RBM18: variants seen among roughly 807,000 people sequenced by gnomAD.
RBM18 encodes RNA binding motif protein 18, also known as probable RNA-binding protein 18.
RBM18 carries 18 observed loss-of-function variants against 26.4 expected under a neutral mutation model. The observed-to-expected ratio is 0.68, with a 90% CI of 0.47 to 1.01. The LOEUF (loss-of-function observed/expected upper bound fraction) is 1.01. RBM18 is among the 50% of genes least tolerant of loss of function. The probability of loss-of-function intolerance (pLI) is 0.00; values close to 1 mark genes in which losing one functional copy is unlikely to be tolerated. For missense variants in RBM18, 180 were observed against 219.2 expected, an observed-to-expected ratio of 0.82 and a Z score of 1.13; for synonymous variants, 74 against 81.1, an observed-to-expected ratio of 0.91 and a Z score of 0.47.
intron 3 of RBM18, among the ~76,000 whole-genome samples, chr9:122,249,538 C>A (rs75537407): frequency 6.6e-6 from 1 of 151,062 alleles, no homozygotes; most frequent in Non-Finnish European, 1.5e-5. Flanking sequence ...GGCGAACCCC[C>A]GCTTCTACAA....
At chr9:122,245,485 T>C (rs1463695910) in intron 4 of RBM18, 144 bp from the exon 5 acceptor site, 1 of 509,852 alleles carries the variant, frequency 2.0e-6, no homozygotes, top group Non-Finnish European at 3.5e-6. Flanking sequence ...TTAGAATTAA[T>C]GAAAAACTTC....
intron 2 of RBM18, among the ~76,000 whole-genome samples, chr9:122,255,545 C>T (rs1309480352): frequency 6.6e-6 from 1 of 152,174 alleles, no homozygotes; most frequent in Non-Finnish European, 1.5e-5. Flanking sequence ...ATCCTTCCAG[C>T]TATCCCTCTG....
rs1392284569 is a variant in RBM18 at position 122,240,124 on chromosome 9, C to T, written c.*1760G>A. 3.3e-5 allele frequency: 5 copies of T among 152,190 alleles called. No individual in the cohort carries two copies. Among genetic ancestry groups the T allele is most frequent in the African/African-American group, 1.2e-4 (5 of 41,444 alleles). 9.4% of individuals were successfully genotyped at this position (152,190 alleles called of 1,614,324 possible). On this transcript the variant is annotated 3_prime_UTR_variant, in exon 6 of 6. Transcript: ENST00000417201. Reference sequence around the variant, plus strand: ...AAAGGAAACAACTCTATATATAATTCTAAGTTTTTTCTAAGTTCCTATTAA... The same window carrying T: ...AAAGGAAACAACTCTATATATAATTTTAAGTTTTTTCTAAGTTCCTATTAA...
intron 3 of RBM18, among the ~76,000 whole-genome samples, chr9:122,250,435 T>G (rs1211454518): frequency 3.3e-5 from 5 of 152,176 alleles, no homozygotes; most frequent in Non-Finnish European, 5.9e-5. Context: ...ACAACCCAAA[T>G]AGCTAACAAT....
At chr9:122,260,239 G>A (rs929215885) in intron 2 of RBM18, among the ~76,000 whole-genome samples, 2 of 152,034 alleles carry the variant, frequency 1.3e-5, no homozygotes, top group Non-Finnish European at 2.9e-5. Context: ...CCAACTACTC[G>A]GGAGGCTGAG....
At chr9:122,256,005 T>G (rs1831691135) in intron 2 of RBM18, among the ~76,000 whole-genome samples, 1 of 152,040 alleles carries the variant, frequency 6.6e-6, no homozygotes, top group South Asian at 2.1e-4. Context: ...CACCCCAGCC[T>G]GGGCAACAGA....
rs923935478 is a variant in RBM18, at chr9:122,261,326, C to T, written c.113+54G>A. 8.5e-5 allele frequency: 106 copies of T among 1,253,834 alleles called. 1 individual carries two copies. Among genetic ancestry groups the T allele is most frequent in the Non-Finnish European group, 1.8e-5 (15 of 851,964 alleles). 77.7% of individuals were successfully genotyped at this position (1,253,834 alleles called of 1,614,324 possible). A position where few individuals can be genotyped will look rare whatever the true frequency, so the allele number is the denominator to read the frequency against. On this transcript the variant is annotated intron_variant, in intron 2 of 5. Transcript: ENST00000417201. The stretch of plus-strand genomic sequence containing the variant: ...CCTTGAAAATTCTTCTTGACATCAT[C>T]ACCACAAAACATCCCAATATTGTAG...
chr9:122,245,703 C>T (rs541521018), intron 4 of RBM18, among the ~76,000 whole-genome samples: 95 of 152,038 alleles, frequency 6.2e-4, no homozygotes, highest in African/African-American at 2.2e-3. Flanking sequence ...ACTGGCCAGG[C>T]GCGGTGGCTC....
At position 122,241,879 on chromosome 9, in the gene RBM18, A is replaced by T; in HGVS notation, c.*5T>A. 1 of 1,611,342 alleles carries T rather than the reference A, an allele frequency of 6.2e-7. No individual in the cohort carries two copies. The highest frequency in any genetic ancestry group is 8.5e-7 in the Non-Finnish European group (1 of 1,179,144). On this transcript the variant is annotated 3_prime_UTR_variant, in exon 6 of 6. Coordinates refer to ENST00000417201, the MANE Select transcript of RBM18 (RefSeq NM_033117.4). The stretch of plus-strand genomic sequence containing the variant: ...TGCTTTTGCTGCTACAGTAATTCAC[A>T]ACCATCATCTTCGAGATTTCCATGC...
rs530715192 is a variant in RBM18, at chr9:122,245,715, C to T, written c.328-374G>A. On this transcript the variant is annotated intron_variant, in intron 4 of 5. Coordinates refer to ENST00000417201, the MANE Select transcript of RBM18 (RefSeq NM_033117.4). ...TAAACTGGCCAGGCGCGGTGGCTCA[C>T]GCCTGTAATCCCAGCACTTTGGGAG... Among the ~76,000 whole-genome samples the T allele has an allele frequency of 5.3e-5, 8 of 152,050 alleles. 1 individual carries two copies. The East Asian group carries it at 9.7e-4, about 18-fold the overall frequency.
At position 122,240,974 on chromosome 9, in the gene RBM18, A is replaced by G. The variant is rs1265115194; in HGVS notation, c.*910T>C. On this transcript the variant is annotated 3_prime_UTR_variant, in exon 6 of 6. Transcript: ENST00000417201. ...GAAAATTGTATGTTTGATAGTGACCAATATAGCAATGTTTAGGTTTTCAAA... is the reference window on the plus strand; with the variant it reads ...GAAAATTGTATGTTTGATAGTGACCGATATAGCAATGTTTAGGTTTTCAAA... 1 of 152,240 alleles carries G rather than the reference A, an allele frequency of 6.6e-6. No individual in the cohort carries two copies. The highest frequency in any genetic ancestry group is 1.5e-5 in the Non-Finnish European group (1 of 68,046). 9.4% of individuals were successfully genotyped at this position (152,240 alleles called of 1,614,324 possible). A position where few individuals can be genotyped will look rare whatever the true frequency, so the allele number is the denominator to read the frequency against.
chr9:122,253,173 T>C (rs187468732), intron 2 of RBM18, among the ~76,000 whole-genome samples: 3 of 152,334 alleles, frequency 2.0e-5, no homozygotes, highest in East Asian at 3.9e-4. Flanking sequence ...TATATTCACA[T>C]TGTTTTCTAA....
chr9:122,239,013 T>C lies in RBM18; in HGVS notation c.*2871A>G, dbSNP rs1199004480. ...ATAAGCATGCTGGGACTAAATCATATTTTAGGAACAAATGATTACATATAG... is the reference window on the plus strand; with the variant it reads ...ATAAGCATGCTGGGACTAAATCATACTTTAGGAACAAATGATTACATATAG... On this transcript the variant is annotated 3_prime_UTR_variant, in exon 6 of 6. Transcript: ENST00000417201. 6.6e-6 allele frequency: 1 copy of C among 152,198 alleles called. No homozygotes were observed. The highest frequency in any genetic ancestry group is 3.2e-3 in the Middle Eastern group (1 of 316). The allele number at this position is 152,198 out of a possible 1,614,324, so 9.4% of individuals were successfully genotyped here.
intron 2 of RBM18, among the ~76,000 whole-genome samples, chr9:122,254,643 C>T (rs1395219351): frequency 1.3e-5 from 2 of 152,216 alleles, no homozygotes; most frequent in African/African-American, 4.8e-5. Flanking sequence ...TTTAAGACAG[C>T]TTTTCTGCCT....
chr9:122,256,129 T>G (rs899692402), intron 2 of RBM18, among the ~76,000 whole-genome samples: 4 of 152,210 alleles, frequency 2.6e-5, no homozygotes, highest in Non-Finnish European at 5.9e-5. Context: ...AATGAGTTTC[T>G]TTTTCATGAA....
chr9:122,258,285 T>C (rs1013840654), intron 2 of RBM18, among the ~76,000 whole-genome samples: 9 of 151,920 alleles, frequency 5.9e-5, no homozygotes, highest in East Asian at 1.9e-4. Context: ...TTCTTTCTTT[T>C]TGAGACAGAT....
At chr9:122,248,813 G>T (rs1305272032) in intron 3 of RBM18, among the ~76,000 whole-genome samples, 3 of 152,232 alleles carry the variant, frequency 2.0e-5, no homozygotes, top group Non-Finnish European at 4.4e-5. Context: ...GGATGTCCCA[G>T]GGAGCGGGAG....
intron 3 of RBM18, among the ~76,000 whole-genome samples, chr9:122,250,395 T>C (rs1162745327): frequency 6.6e-6 from 1 of 152,256 alleles, no homozygotes; most frequent in East Asian, 1.9e-4. Context: ...GTGATATTTA[T>C]ACTAGTGAAT....
At chr9:122,256,311 CTTTA>C in intron 2 of RBM18, among the ~76,000 whole-genome samples, 1 of 152,262 alleles carries the variant, frequency 6.6e-6, no homozygotes, top group Middle Eastern at 3.4e-3. Context: ...ACTTATAGGC[CTTTA>C]TTTACGATTT....
Sources: gnomAD v4.1 joint callset for allele counts (sites outside exome capture counted in the v4.1 genomes callset) on GRCh38, gnomAD v4.1.1 for gene constraint, MANE v1.5 for transcripts, NCBI Gene and HGNC (gene_info 2026-07-23, HGNC 2026-07-21) for gene names.